The following CDH18 variants were observed in gnomAD, a reference collection of about 807,000 sequenced individuals.
CDH18 encodes cadherin-18.
In CDH18, 31 loss-of-function variants were observed where a neutral mutation model predicts 67.9. The ratio of observed to expected loss-of-function variants is 0.46; its 90% CI spans 0.34 to 0.62. The LOEUF is 0.62. Among genes scored for constraint, CDH18 ranks in the 20% least tolerant of loss-of-function variants. The pLI, the probability that CDH18 is intolerant of heterozygous loss-of-function variation, is 0.01. For missense variants in CDH18, 890 were observed against 975.5 expected, an observed-to-expected ratio of 0.91 and a Z score of 1.17; for synonymous variants, 362 against 347.2, an observed-to-expected ratio of 1.04 and a Z score of -0.48.
intron 1 of CDH18, among the ~76,000 whole-genome samples, chr5:20,399,020 G>A (rs948016772): frequency 2.0e-5 from 3 of 152,056 alleles, no homozygotes; most frequent in Non-Finnish European, 4.4e-5. Context: ...AAACCTGCAC[G>A]TTCAGCACAT....
chr5:19,952,661 T>A (rs1795912004), intron 2 of CDH18, among the ~76,000 whole-genome samples: 1 of 152,206 alleles, frequency 6.6e-6, no homozygotes, highest in Non-Finnish European at 1.5e-5. Flanking sequence ...TGAAATTATA[T>A]TTCATTGCAC....
chr5:20,469,344 C>T (rs1444068797), intron 1 of CDH18, among the ~76,000 whole-genome samples: 1 of 124,576 alleles, frequency 8.0e-6, no homozygotes, highest in Non-Finnish European at 1.9e-5. Flanking sequence ...GTTTAAAAAA[C>T]TAGAGCAGAA....
chr5:19,677,172 C>T (rs996703724), intron 5 of CDH18, among the ~76,000 whole-genome samples: 5 of 152,010 alleles, frequency 3.3e-5, no homozygotes, highest in Non-Finnish European at 5.9e-5. Context: ...GTAAGGTCAT[C>T]TACAAAGGGG....
At chr5:20,359,947 A>G (rs1308629215) in intron 1 of CDH18, among the ~76,000 whole-genome samples, 1 of 151,312 alleles carries the variant, frequency 6.6e-6, no homozygotes. Flanking sequence ...AATATATAAT[A>G]ATCTATTAAA....
chr5:20,170,052 T>A (rs1217107623), intron 2 of CDH18, among the ~76,000 whole-genome samples: 1 of 152,138 alleles, frequency 6.6e-6, no homozygotes, highest in African/African-American at 2.4e-5. Flanking sequence ...CTGGGATATA[T>A]GTGCAGAACG....
chr5:20,156,536 G>C (rs886873653), intron 2 of CDH18, among the ~76,000 whole-genome samples: 5 of 152,026 alleles, frequency 3.3e-5, no homozygotes, highest in Non-Finnish European at 7.4e-5. Flanking sequence ...GATACACATG[G>C]GCATACAGAA....
intron 1 of CDH18, among the ~76,000 whole-genome samples, chr5:20,460,773 T>C (rs1208267769): frequency 6.6e-6 from 1 of 152,174 alleles, no homozygotes; most frequent in Non-Finnish European, 1.5e-5. Context: ...TATTAGTATT[T>C]ATGAAATACA....
chr5:20,018,158 G>A (rs1434390227), intron 2 of CDH18, among the ~76,000 whole-genome samples: 1 of 152,174 alleles, frequency 6.6e-6, no homozygotes, highest in Non-Finnish European at 1.5e-5. Context: ...AAGGCACTGT[G>A]AGGTTAAGTA....
At chr5:19,876,466 T>A (rs1787013326) in intron 2 of CDH18, among the ~76,000 whole-genome samples, 1 of 152,096 alleles carries the variant, frequency 6.6e-6, no homozygotes, top group African/African-American at 2.4e-5. Flanking sequence ...GAAAAATCAC[T>A]GTCTCATCCC....
intron 2 of CDH18, among the ~76,000 whole-genome samples, chr5:19,894,820 A>C (rs979394957): frequency 6.6e-6 from 1 of 152,104 alleles, no homozygotes; most frequent in Non-Finnish European, 1.5e-5. Context: ...TCAAAGAGTA[A>C]TTTATCACTA....
chr5:19,765,313 A>C (rs114265202), intron 3 of CDH18, among the ~76,000 whole-genome samples: 16 of 152,322 alleles, frequency 1.1e-4, no homozygotes, highest in Non-Finnish European at 2.4e-4. Flanking sequence ...CAATAAAGGC[A>C]TTAAGGGAAA....
At chr5:20,116,171 C>T (rs1485083656) in intron 2 of CDH18, among the ~76,000 whole-genome samples, 1 of 152,090 alleles carries the variant, frequency 6.6e-6, no homozygotes, top group East Asian at 1.9e-4. Flanking sequence ...GTATTGTCAA[C>T]TGGGCTACTC....
intron 1 of CDH18, among the ~76,000 whole-genome samples, chr5:20,423,254 A>G (rs1014124363): frequency 6.6e-6 from 1 of 151,250 alleles, no homozygotes; most frequent in Admixed American, 6.6e-5. Flanking sequence ...GCCTTTTAGG[A>G]AAGACAACAG....
chr5:20,272,943 G>A (rs10805689), intron 1 of CDH18, among the ~76,000 whole-genome samples: 31,472 of 151,966 alleles, frequency 0.21, 5,556 homozygotes, highest in African/African-American at 0.46. Flanking sequence ...TGAAAATGCA[G>A]TAATGTTAAT....
intron 1 of CDH18, among the ~76,000 whole-genome samples, chr5:20,316,670 A>G (rs1737495257): frequency 6.6e-6 from 1 of 152,048 alleles, no homozygotes; most frequent in African/African-American, 2.4e-5. Flanking sequence ...TGGAGAAGAA[A>G]GAAGACAACA....
intron 2 of CDH18, among the ~76,000 whole-genome samples, chr5:19,958,555 C>T (rs1322982709): frequency 2.0e-5 from 3 of 151,826 alleles, no homozygotes; most frequent in Non-Finnish European, 2.9e-5. Flanking sequence ...ACGCCAGGAA[C>T]TTGATAGGCA....
chr5:20,222,031 G>A (rs549272713), intron 2 of CDH18, among the ~76,000 whole-genome samples: 43 of 152,108 alleles, frequency 2.8e-4, no homozygotes, highest in African/African-American at 8.4e-4. Flanking sequence ...ACCCTTACAC[G>A]TCACAAGAGT....
chr5:19,537,212 A>C (rs1271334835), intron 9 of CDH18, among the ~76,000 whole-genome samples: 3 of 152,068 alleles, frequency 2.0e-5, no homozygotes, highest in African/African-American at 7.2e-5. Flanking sequence ...AGTGACAGAG[A>C]ATTCTCCTGC....
intron 7 of CDH18, among the ~76,000 whole-genome samples, chr5:19,579,903 C>T (rs188742783): frequency 2.6e-5 from 4 of 151,722 alleles, no homozygotes; most frequent in African/African-American, 7.2e-5. Flanking sequence ...AATCCACCCC[C>T]CCCAAAGAAA....
Sources: gnomAD v4.1 joint callset for allele counts (sites outside exome capture counted in the v4.1 genomes callset) on GRCh38, gnomAD v4.1.1 for gene constraint, MANE v1.5 for transcripts, NCBI Gene and HGNC (gene_info 2026-07-23, HGNC 2026-07-21) for gene names.